The following HYCC2 variants were observed in gnomAD, a reference collection of about 807,000 sequenced individuals.
HYCC2 encodes the protein hyccin PI4KA lipid kinase complex subunit 2, also known as hyccin 2.
the HYCC2 span, among the ~76,000 whole-genome samples, chr2:201,006,439 G>A: frequency 6.6e-6 from 1 of 151,786 alleles, no homozygotes; most frequent in Non-Finnish European, 1.5e-5. Context: ...CACCTGGCGA[G>A]ATTTTTTTAA....
chr2:200,978,043 T>C, the HYCC2 span: 2 of 152,290 alleles, frequency 1.3e-5, no homozygotes, highest in African/African-American at 4.8e-5. Context: ...ATCTTTTTCA[T>C]AGATGATTAG....
the HYCC2 span, among the ~76,000 whole-genome samples, chr2:201,050,965 T>C: frequency 3.3e-5 from 5 of 151,950 alleles, no homozygotes; most frequent in Non-Finnish European, 7.4e-5. Flanking sequence ...ACAAACCCAG[T>C]ATAGCTATAA....
At chr2:200,995,701 G>A in the HYCC2 span, among the ~76,000 whole-genome samples, 1 of 152,180 alleles carries the variant, frequency 6.6e-6, no homozygotes, top group African/African-American at 2.4e-5. Flanking sequence ...CCTCAGATGA[G>A]ACTGCAACTC....
the HYCC2 span, among the ~76,000 whole-genome samples, chr2:200,995,790 GACCC>G: frequency 6.6e-6 from 1 of 152,264 alleles, no homozygotes; most frequent in East Asian, 1.9e-4. Context: ...CTGGATTCCT[GACCC>G]ACAAAAACTG....
the HYCC2 span, among the ~76,000 whole-genome samples, chr2:201,015,379 T>C: frequency 1.7e-4 from 26 of 150,934 alleles, no homozygotes; most frequent in Middle Eastern, 3.4e-3. Flanking sequence ...GAAGTGTTTA[T>C]GGTTTTTCTC....
chr2:201,001,899 T>G, the HYCC2 span, among the ~76,000 whole-genome samples: 2 of 152,116 alleles, frequency 1.3e-5, no homozygotes, highest in African/African-American at 4.8e-5. Flanking sequence ...CTCAAACTCC[T>G]GGCCTCCAGT....
the HYCC2 span, among the ~76,000 whole-genome samples, chr2:201,023,122 G>A: frequency 3.2e-4 from 48 of 152,218 alleles, no homozygotes; most frequent in Non-Finnish European, 5.4e-4. Flanking sequence ...GTCAAGGCAA[G>A]CGTATCACTT....
At chr2:200,987,654 ATAGT>A in the HYCC2 span, 2 of 680,566 alleles carry the variant, frequency 2.9e-6, no homozygotes, top group Non-Finnish European at 4.2e-6. Context: ...CACTATTTAT[ATAGT>A]TACATGTGTG....
the HYCC2 span, among the ~76,000 whole-genome samples, chr2:201,029,583 G>A: frequency 1.3e-5 from 2 of 152,148 alleles, no homozygotes; most frequent in Non-Finnish European, 2.9e-5. Context: ...TATATACCAT[G>A]GAATACTATG....
chr2:200,980,653 A>C, the HYCC2 span: 2 of 153,190 alleles, frequency 1.3e-5, no homozygotes, highest in South Asian at 4.1e-4. Context: ...TTGAACATTT[A>C]TGTCTTCGGG....
At chr2:200,997,544 A>G in the HYCC2 span, 2 of 1,581,964 alleles carry the variant, frequency 1.3e-6, no homozygotes, top group South Asian at 2.2e-5. Flanking sequence ...TTCAAACCTA[A>G]AAACAACAAA....
chr2:201,047,445 C>CATATATATATATAT, the HYCC2 span, among the ~76,000 whole-genome samples: 5,591 of 139,170 alleles, frequency 0.04, 135 homozygotes, highest in African/African-American at 0.057. Context: ...TCACAGTTCT[C>CATATATATATATAT]ATATATATAT....
chr2:201,039,272 C>T, the HYCC2 span, among the ~76,000 whole-genome samples: 1 of 152,204 alleles, frequency 6.6e-6, no homozygotes, highest in Non-Finnish European at 1.5e-5. Flanking sequence ...TTTACAGGGA[C>T]AGGCACTGTA....
At chr2:201,053,807 AC>A in the HYCC2 span, among the ~76,000 whole-genome samples, 3 of 151,760 alleles carry the variant, frequency 2.0e-5, no homozygotes, top group African/African-American at 7.3e-5. Flanking sequence ...TACTAAAAAT[AC>A]AAAAAATTCG....
At chr2:201,040,765 G>A in the HYCC2 span, among the ~76,000 whole-genome samples, 7,146 of 152,202 alleles carry the variant, frequency 0.047, 545 homozygotes, top group African/African-American at 0.16. Flanking sequence ...GATTACAGGC[G>A]TGAGCCACTG....
At chr2:200,995,856 TA>T in the HYCC2 span, among the ~76,000 whole-genome samples, 1 of 152,168 alleles carries the variant, frequency 6.6e-6, no homozygotes, top group Non-Finnish European at 1.5e-5. Flanking sequence ...AGCAATTTAT[TA>T]TGCAGTAATA....
chr2:200,988,096 T>C, the HYCC2 span, among the ~76,000 whole-genome samples: 1 of 152,222 alleles, frequency 6.6e-6, no homozygotes, highest in Non-Finnish European at 1.5e-5. Flanking sequence ...TATAAATACA[T>C]ATTAAAATAA....
At chr2:201,070,351 C>T in the HYCC2 span, among the ~76,000 whole-genome samples, 3 of 152,152 alleles carry the variant, frequency 2.0e-5, no homozygotes, top group Admixed American at 2.0e-4. Context: ...GAACAAACTA[C>T]TTAAAAGTTG....
At chr2:200,987,216 G>A in the HYCC2 span, 1 of 554,922 alleles carries the variant, frequency 1.8e-6, no homozygotes, top group South Asian at 1.9e-5. Flanking sequence ...TATATGAGGA[G>A]GGAGGGTGCT....
Sources: allele counts gnomAD v4.1 joint callset (sites outside exome capture counted in the v4.1 genomes callset), GRCh38; gene constraint gnomAD v4.1.1; transcripts MANE v1.5; gene names NCBI Gene and HGNC (gene_info 2026-07-23, HGNC 2026-07-21).